Variants in POLR3B observed in about 807,000 individuals in gnomAD.
POLR3B encodes DNA-directed RNA polymerase III subunit RPC2.
In POLR3B, 96 loss-of-function variants were observed where a neutral mutation model predicts 147.4. The ratio of observed to expected loss-of-function variants is 0.65; its 90% CI spans 0.55 to 0.77. POLR3B has a LOEUF of 0.77. POLR3B is among the 30% of genes least tolerant of loss of function. The pLI, the probability that POLR3B is intolerant of heterozygous loss-of-function variation, is 0.00. For synonymous variants in POLR3B, 461 were observed against 485.9 expected, an observed-to-expected ratio of 0.95 and a Z score of 0.67; for missense variants, 1,036 against 1,413.5, an observed-to-expected ratio of 0.73 and a Z score of 4.28.
At chr12:106,430,565 C>A in intron 14 of POLR3B, 92 bp downstream of exon 14, 1 of 913,574 alleles carries the variant, frequency 1.1e-6, no homozygotes, top group Non-Finnish European at 1.8e-6. Context: ...CTGTTCCCAT[C>A]TCCAGGCCAT....
intron 23 of POLR3B, among the ~76,000 whole-genome samples, chr12:106,466,759 G>T (rs1296255746): frequency 6.6e-6 from 1 of 152,066 alleles, no homozygotes; most frequent in African/African-American, 2.4e-5. Context: ...ATCAGATGGT[G>T]GTAGATGTGT....
chr12:106,466,023 G>A (rs561734372), intron 23 of POLR3B, among the ~76,000 whole-genome samples: 4 of 152,210 alleles, frequency 2.6e-5, no homozygotes, highest in East Asian at 1.9e-4. Context: ...TTGAGGAATC[G>A]CCACACTGTC....
chr12:106,370,875 G>A (rs1458865241), intron 6 of POLR3B, among the ~76,000 whole-genome samples: 20 of 152,088 alleles, frequency 1.3e-4, no homozygotes, highest in South Asian at 1.0e-3. Flanking sequence ...CAGGTGATCC[G>A]CCCGCCTTGG....
intron 16 of POLR3B, among the ~76,000 whole-genome samples, chr12:106,434,213 G>A (rs2037547122): frequency 6.6e-6 from 1 of 152,192 alleles, no homozygotes; most frequent in Non-Finnish European, 1.5e-5. Flanking sequence ...AACCCTATGA[G>A]GTTGGATTAT....
intron 1 of POLR3B, among the ~76,000 whole-genome samples, chr12:106,362,510 T>G (rs886395095): frequency 3.3e-5 from 5 of 152,204 alleles, no homozygotes; most frequent in Admixed American, 6.5e-5. Flanking sequence ...CGTCCCCTAC[T>G]ACAGGTGTTT....
chr12:106,371,143 C>T (rs2136889402), intron 6 of POLR3B, among the ~76,000 whole-genome samples: 1 of 151,118 alleles, frequency 6.6e-6, no homozygotes, highest in South Asian at 2.1e-4. Flanking sequence ...TGAACAGACA[C>T]TTCTCAAAAG....
chr12:106,441,655 C>A (rs577549907), intron 18 of POLR3B, among the ~76,000 whole-genome samples: 2 of 152,058 alleles, frequency 1.3e-5, no homozygotes, highest in Admixed American at 1.3e-4. Flanking sequence ...CATTATCTAC[C>A]TACACACATT....
intron 11 of POLR3B, 136 bp from the exon 12 acceptor site, chr12:106,410,690 A>C: frequency 3.7e-6 from 3 of 805,056 alleles, no homozygotes; most frequent in Non-Finnish European, 6.1e-6. Flanking sequence ...AGACTAGTTG[A>C]ATTTATTTGA....
In POLR3B at chr12:106,419,794, C is replaced by CTTTTTT. The variant is rs56756383; in HGVS notation, c.1102-7387_1102-7382dup. On this transcript the variant is annotated intron_variant, in intron 12 of 27. Coordinates refer to ENST00000228347, the MANE Select transcript of POLR3B (RefSeq NM_018082.6). ...ATAGTGAGCCAGATATTTAGTTTTG[C>CTTTTTT]TTTTTTTTTTTTTTTTTTTTTAATG... Among the ~76,000 whole-genome samples, 102 of 88,904 alleles carry CTTTTTT rather than the reference C, an allele frequency of 1.1e-3. 3 individuals are homozygous for CTTTTTT. The highest frequency in any genetic ancestry group is 1.4e-3 in the Non-Finnish European group (71 of 49,374). 58.3% of individuals were successfully genotyped at this position (88,904 alleles called of 152,430 possible).
At position 106,487,573 on chromosome 12, in the gene POLR3B, G is replaced by A. The variant is rs114565884; in HGVS notation, c.2714-8482G>A. Reference sequence around the variant, plus strand: ...TTGTCTTTTCTTAAAAGCTTACTTCGACAAAGCTGTTGTTAGGGATTCTTT... The same window carrying A: ...TTGTCTTTTCTTAAAAGCTTACTTCAACAAAGCTGTTGTTAGGGATTCTTT... On this transcript the variant is annotated intron_variant, in intron 23 of 27. Coordinates refer to ENST00000228347, the MANE Select transcript of POLR3B (RefSeq NM_018082.6). 4.3e-3 allele frequency among the ~76,000 whole-genome samples: 648 copies of A among 152,188 alleles called. 3 individuals are homozygous for A. The highest frequency in any genetic ancestry group is 0.014 in the African/African-American group (569 of 41,512).
chr12:106,369,865 T>C (rs542979942), intron 6 of POLR3B, among the ~76,000 whole-genome samples, 182 bp downstream of exon 6: 1 of 152,330 alleles, frequency 6.6e-6, no homozygotes, highest in South Asian at 2.1e-4. Flanking sequence ...ATTTATTAAT[T>C]GTGAAACCTT....
rs539503541 is a variant in POLR3B, at chr12:106,422,642, C to T, written c.1102-4555C>T. ...TTTATTGTATAGTCTTTCATTTCCT[C>T]GCTGATCCAAAATGCATCTCTATCA... is the stretch of plus-strand genomic sequence containing the variant. On this transcript the variant is annotated intron_variant, in intron 12 of 27. Transcript: ENST00000228347. Among the ~76,000 whole-genome samples, 6 of 152,274 alleles carry T rather than the reference C, an allele frequency of 3.9e-5. No homozygotes were observed. The South Asian group carries it at 6.2e-4, about 16-fold the overall frequency.
Position 106,496,927 on chromosome 12 carries a change from G to GA in POLR3B, c.2984+9_2984+10insA, listed in dbSNP as rs2137076271. ...ACATCCGGCATCACAGGGTAAGCAT[G>GA]CGATTGAGCTATTTTAAAGAAAAAG... On this transcript the variant is annotated intron_variant, in intron 25 of 27. Coordinates refer to ENST00000228347, the MANE Select transcript of POLR3B (RefSeq NM_018082.6). The GA allele has an allele frequency of 6.2e-7, 1 of 1,612,818 alleles. No homozygotes were observed. The highest frequency in any genetic ancestry group is 2.2e-5 in the East Asian group (1 of 44,806).
chr12:106,468,162 C>T (rs1008388274), intron 23 of POLR3B, among the ~76,000 whole-genome samples: 1 of 152,216 alleles, frequency 6.6e-6, no homozygotes, highest in Non-Finnish European at 1.5e-5. Flanking sequence ...GATTCAACTT[C>T]TTCCTGGTTT....
At position 106,415,302 on chromosome 12, in the gene POLR3B, A is replaced by T. The variant is rs114084111; in HGVS notation, c.1101+4342A>T. Among the ~76,000 whole-genome samples the T allele has an allele frequency of 6.8e-3, 1,036 of 152,300 alleles. 17 individuals are homozygous for T. The highest frequency in any genetic ancestry group is 0.024 in the African/African-American group (997 of 41,570). On this transcript the variant is annotated intron_variant, in intron 12 of 27. Coordinates refer to ENST00000228347, the MANE Select transcript of POLR3B (RefSeq NM_018082.6). Reference sequence around the variant, plus strand: ...AGTGAGGTCACTACAGTGAGATGTGATGTGGTTAATGGAAGATACCAAGTT... The same window carrying T: ...AGTGAGGTCACTACAGTGAGATGTGTTGTGGTTAATGGAAGATACCAAGTT...
intron 12 of POLR3B, among the ~76,000 whole-genome samples, chr12:106,414,995 A>G (rs1227363408): frequency 6.6e-6 from 1 of 152,162 alleles, no homozygotes; most frequent in African/African-American, 2.4e-5. Context: ...ACGAACCTCT[A>G]TGTCACTCCA....
intron 27 of POLR3B, among the ~76,000 whole-genome samples, chr12:106,505,572 C>T (rs1261125257): frequency 6.6e-6 from 1 of 152,082 alleles, no homozygotes; most frequent in East Asian, 1.9e-4. Flanking sequence ...CTACCATGCC[C>T]AGCCAAAAGT....
chr12:106,423,106 A>G lies in POLR3B; in HGVS notation c.1102-4091A>G, dbSNP rs79684987. 9.7e-3 allele frequency among the ~76,000 whole-genome samples: 1,472 copies of G among 152,300 alleles called. 24 individuals carry two copies. Among genetic ancestry groups the G allele is most frequent in the African/African-American group, 0.034 (1,405 of 41,566 alleles). ...AACATTTTCAAAAATATACAAAAAT[A>G]GAATAGTAAAATTAACTGCCATATA... On this transcript the variant is annotated intron_variant, in intron 12 of 27. Transcript: ENST00000228347.
chr12:106,419,425 G>A (rs2037345872), intron 12 of POLR3B, among the ~76,000 whole-genome samples: 1 of 152,166 alleles, frequency 6.6e-6, no homozygotes, highest in African/African-American at 2.4e-5. Flanking sequence ...AGCTAGAGGA[G>A]AAGATTCATT....
Sources: gnomAD v4.1 joint callset for allele counts (sites outside exome capture counted in the v4.1 genomes callset) on GRCh38, gnomAD v4.1.1 for gene constraint, MANE v1.5 for transcripts, NCBI Gene and HGNC (gene_info 2026-07-23, HGNC 2026-07-21) for gene names.